The following LAMA2 variants were observed in gnomAD, a reference collection of about 807,000 sequenced individuals.
The protein encoded by LAMA2 is laminin subunit alpha 2, also known as laminin subunit alpha-2.
A neutral mutation model predicts 364.8 loss-of-function variants in LAMA2; 269 were observed. The ratio of observed to expected loss-of-function variants is 0.74; its 90% CI spans 0.67 to 0.82. LAMA2 has a LOEUF of 0.82. Ranked by LOEUF, LAMA2 falls within the 40% of genes least tolerant of loss-of-function variation. LAMA2 has a pLI of 0.00. For synonymous variants in LAMA2, 1,379 were observed against 1,370.6 expected (o/e 1.01, Z -0.14); for missense variants, 3,807 against 3,873.2 (o/e 0.98, Z 0.45).
intron 59 of LAMA2, 58 bp from the exon 60 acceptor site, chr6:129,503,032 AT>A: frequency 6.7e-7 from 1 of 1,484,532 alleles, no homozygotes; most frequent in Non-Finnish European, 9.4e-7. Context: ...ATACCGCTCT[AT>A]TTTAGCATGA....
intron 1 of LAMA2, among the ~76,000 whole-genome samples, chr6:128,952,386 C>G (rs750139549): frequency 6.6e-6 from 1 of 151,830 alleles, no homozygotes; most frequent in Non-Finnish European, 1.5e-5. Flanking sequence ...TTATCAACAG[C>G]AAAGAATTTT....
Position 129,486,543 on chromosome 6 carries a change from A to G in LAMA2, c.7819A>G (p.Arg2607Gly). The change falls in exon 56 of 65, where the codon AGG (arginine) becomes GGG (glycine). Residue 2607 changes from arginine to glycine, a missense_variant. Physicochemically the swap from Arg to Gly is moderately radical, Grantham distance 125. This residue lies in a region of LAMA2 where 3,333 missense variants were observed against 3,345.7 expected (regional missense o/e 1.00). Transcript: ENST00000421865. ...TCTCTCCACAGGGGCACGAACAATGAGGAAAATTGTGATCAGACCAGAGCC... is the reference window on the plus strand; with the variant it reads ...TCTCTCCACAGGGGCACGAACAATGGGGAAAATTGTGATCAGACCAGAGCC... ...VHLSTGARTM[R>G]KIVIRPEPNL... The G allele has an allele frequency of 6.2e-7, 1 of 1,613,990 alleles. No individual in the cohort carries two copies. Among genetic ancestry groups the G allele is most frequent in the Non-Finnish European group, 8.5e-7 (1 of 1,179,902 alleles).
chr6:129,168,964 TTTG>T (rs1056125008), intron 9 of LAMA2, among the ~76,000 whole-genome samples: 12 of 152,090 alleles, frequency 7.9e-5, no homozygotes, highest in African/African-American at 2.7e-4. Flanking sequence ...TGGCTCTCTG[TTTG>T]TTGTTGTTGT....
intron 4 of LAMA2, among the ~76,000 whole-genome samples, chr6:129,125,890 C>T (rs1777087838): frequency 6.6e-6 from 1 of 152,032 alleles, no homozygotes; most frequent in Non-Finnish European, 1.5e-5. Flanking sequence ...TATAACATCA[C>T]TTTGTACCCC....
intron 12 of LAMA2, among the ~76,000 whole-genome samples, chr6:129,219,024 A>T (rs1328498089): frequency 1.3e-5 from 2 of 152,148 alleles, no homozygotes; most frequent in African/African-American, 4.8e-5. Flanking sequence ...TGGTTTGTAT[A>T]AGTTTGAGTT....
chr6:129,011,054 C>T (rs891312603), intron 1 of LAMA2, among the ~76,000 whole-genome samples: 2 of 152,226 alleles, frequency 1.3e-5, no homozygotes, highest in East Asian at 3.9e-4. Context: ...GATCTTGGCT[C>T]ACTGCAACCT....
intron 21 of LAMA2, among the ~76,000 whole-genome samples, chr6:129,300,499 AC>A (rs1423708998): frequency 6.6e-6 from 1 of 152,150 alleles, no homozygotes; most frequent in East Asian, 1.9e-4. Context: ...AGCTAAAAAT[AC>A]TTTAACTTTT....
chr6:129,446,302 C>T (rs1404430108), intron 45 of LAMA2, among the ~76,000 whole-genome samples: 4 of 151,084 alleles, frequency 2.6e-5, no homozygotes, highest in East Asian at 1.9e-4. Flanking sequence ...ATAAAAATGG[C>T]TTTGGTTATA....
chr6:129,312,741 G>A, intron 22 of LAMA2, 120 bp from the exon 23 acceptor site: 1 of 759,968 alleles, frequency 1.3e-6, no homozygotes. Context: ...ATAGTACAAA[G>A]CCTATAACAG....
intron 1 of LAMA2, among the ~76,000 whole-genome samples, chr6:128,955,596 T>C (rs1781094566): frequency 6.6e-6 from 1 of 151,948 alleles, no homozygotes; most frequent in Non-Finnish European, 1.5e-5. Context: ...AAGAGTTTCT[T>C]TCTTCTATTA....
chr6:129,448,242 C>T (rs1235573688), intron 45 of LAMA2, among the ~76,000 whole-genome samples: 1 of 151,944 alleles, frequency 6.6e-6, no homozygotes, highest in African/African-American at 2.4e-5. Flanking sequence ...ATGTTTGCAC[C>T]ATGGCACTCC....
chr6:129,150,143 A>G (rs1778707508), intron 7 of LAMA2, among the ~76,000 whole-genome samples: 1 of 152,180 alleles, frequency 6.6e-6, no homozygotes, highest in Non-Finnish European at 1.5e-5. Flanking sequence ...TCCCATTATT[A>G]CAAAAGCATA....
At chr6:129,023,833 C>T (rs1785613749) in intron 1 of LAMA2, among the ~76,000 whole-genome samples, 1 of 152,082 alleles carries the variant, frequency 6.6e-6, no homozygotes, top group Admixed American at 6.6e-5. Flanking sequence ...CATTATATAT[C>T]TGATTTTATT....
rs573812744 is a variant in LAMA2, at chr6:128,942,415, C to A, written c.112+59058C>A. On this transcript the variant is annotated intron_variant, in intron 1 of 64. Transcript: ENST00000421865. ...CATTGAAGACTACAGAAATCTCTTT[C>A]TTCCAGTTGAGCTCAAAAGGAAAAG... Among the ~76,000 whole-genome samples the A allele has an allele frequency of 3.9e-5, 6 of 152,252 alleles. No homozygotes were observed. The South Asian group carries it at 6.2e-4, about 16-fold the overall frequency.
chr6:128,958,949 C>A (rs1224813173), intron 1 of LAMA2, among the ~76,000 whole-genome samples: 1 of 152,106 alleles, frequency 6.6e-6, no homozygotes, highest in Admixed American at 6.5e-5. Flanking sequence ...AAAGATTGAG[C>A]ACTCTCATCT....
Position 129,177,592 on chromosome 6 carries a change from A to T in LAMA2, c.1307-114A>T, listed in dbSNP as rs981138549. ...TAACTTTTCTTTATTGATATATATAAAAAATCTATTTTTGTGTCAAAATAG... is the reference window on the plus strand; with the variant it reads ...TAACTTTTCTTTATTGATATATATATAAAATCTATTTTTGTGTCAAAATAG... On this transcript the variant is annotated intron_variant, in intron 9 of 64. Coordinates refer to ENST00000421865, the MANE Select transcript of LAMA2 (RefSeq NM_000426.4). 162 of 1,076,870 alleles carry T rather than the reference A, an allele frequency of 1.5e-4. 1 individual carries two copies. The highest frequency in any genetic ancestry group is 2.1e-4 in the Non-Finnish European group (151 of 721,902). The allele number at this position is 1,076,870 out of a possible 1,614,324, so 66.7% of individuals were successfully genotyped here.
chr6:128,889,677 A>T (rs1020233542), intron 1 of LAMA2, among the ~76,000 whole-genome samples: 1 of 152,230 alleles, frequency 6.6e-6, no homozygotes, highest in Non-Finnish European at 1.5e-5. Context: ...TTAGGAAGAT[A>T]GTAAGGCAAA....
At chr6:129,352,496 A>G (rs749694040) in intron 31 of LAMA2, among the ~76,000 whole-genome samples, 5 of 152,242 alleles carry the variant, frequency 3.3e-5, no homozygotes, top group Non-Finnish European at 5.9e-5. Context: ...AAAAGTAAAC[A>G]GAAAATCTGA....
chr6:129,159,155 T>A, intron 8 of LAMA2: 1 of 1,502,748 alleles, frequency 6.7e-7, no homozygotes, highest in Non-Finnish European at 9.3e-7. Flanking sequence ...TACTGTCACC[T>A]TTAGTAATTG....
Sources: allele counts gnomAD v4.1 joint callset (sites outside exome capture counted in the v4.1 genomes callset), GRCh38; gene constraint gnomAD v4.1.1; regional missense constraint gnomAD v4.1.1; transcripts MANE v1.5; gene names NCBI Gene and HGNC (gene_info 2026-07-23, HGNC 2026-07-21).